Variants in CCDC149 observed in about 807,000 individuals in gnomAD.
CCDC149 encodes the protein coiled-coil domain containing 149.
CCDC149 carries 45 observed loss-of-function variants against 59.9 expected under a neutral mutation model. That is an observed-to-expected ratio of 0.75 (90% confidence interval 0.59 to 0.96). CCDC149 has a LOEUF of 0.96. Ranked by LOEUF, CCDC149 falls within the 40% of genes least tolerant of loss-of-function variation. The probability of loss-of-function intolerance (pLI) is 0.00; values close to 1 mark genes in which losing one functional copy is unlikely to be tolerated. For missense variants in CCDC149, 584 were observed against 664.7 expected (o/e 0.88, Z 1.33); for synonymous variants, 245 against 260.6 (o/e 0.94, Z 0.58).
At chr4:24,949,443 G>T (rs967698364) in intron 1 of CCDC149, among the ~76,000 whole-genome samples, 14 of 151,452 alleles carry the variant, frequency 9.2e-5, no homozygotes, top group African/African-American at 1.9e-4. Flanking sequence ...TGGCAGGGAG[G>T]GGGGGTGGTG....
chr4:24,837,144 A>T lies in CCDC149; in HGVS notation c.662+84T>A. 1 of 1,320,644 alleles carries T rather than the reference A, an allele frequency of 7.6e-7. No homozygotes were observed. The highest frequency in any genetic ancestry group is 1.0e-6 in the Non-Finnish European group (1 of 959,218). 81.8% of individuals were successfully genotyped at this position (1,320,644 alleles called of 1,614,324 possible). On this transcript the variant is annotated intron_variant, in intron 6 of 12. Transcript: ENST00000635206. The surrounding 1 kb of genome is among the most constrained non-coding windows in gnomAD (Gnocchi z 4.3). ...TGTAAGGCAATTTTCTCCAAAATAA[A>T]TAGGGCTGCAAATAACTCCCAGCCT...
intron 1 of CCDC149, among the ~76,000 whole-genome samples, chr4:24,920,631 T>C (rs1722258601): frequency 6.6e-6 from 1 of 152,234 alleles, no homozygotes; most frequent in African/African-American, 2.4e-5. Context: ...GGTCATAGAA[T>C]GGAGCCATGT....
intron 1 of CCDC149, among the ~76,000 whole-genome samples, chr4:24,911,432 C>G (rs1721862242): frequency 6.6e-6 from 1 of 152,150 alleles, no homozygotes; most frequent in East Asian, 1.9e-4. Flanking sequence ...TAACAGGCAC[C>G]TGATATGCAA....
chr4:24,884,481 G>T (rs771797524), intron 1 of CCDC149, among the ~76,000 whole-genome samples: 1 of 152,082 alleles, frequency 6.6e-6, no homozygotes, highest in South Asian at 2.1e-4. Context: ...GCAATGCATG[G>T]GTATAGCTAA....
intron 9 of CCDC149, 134 bp from the exon 10 acceptor site, chr4:24,822,707 A>ATG: frequency 1.8e-6 from 1 of 547,510 alleles, no homozygotes; most frequent in Non-Finnish European, 3.2e-6. Context: ...ATTTGTATGT[A>ATG]TGTGTGTGTA....
At chr4:24,878,233 AAAAAAG>A (rs1719601983) in intron 1 of CCDC149, among the ~76,000 whole-genome samples, 2 of 151,442 alleles carry the variant, frequency 1.3e-5, no homozygotes, top group African/African-American at 2.4e-5. Flanking sequence ...AAAAAAAAAA[AAAAAAG>A]AAAGTAATTG....
rs559725619 is a variant in CCDC149, at chr4:24,808,506, G to C, written c.1506C>G (p.Leu502=). 327 of 1,524,010 alleles carry C rather than the reference G, an allele frequency of 2.1e-4. No individual in the cohort carries two copies. Among genetic ancestry groups the C allele is most frequent in the South Asian group, 1.6e-3 (124 of 78,700 alleles). The allele number at this position is 1,524,010 out of a possible 1,614,324, so 94.4% of individuals were successfully genotyped here. ...CGAAGGAGTCCAGGTGAGATTTAGG[G>C]AGCTCCCCCTGGATGGCCAGGCCTG... Residue 502 remains leucine (L), a synonymous_variant, in exon 13 of 13, where the codon CTC becomes CTG. Transcript: ENST00000635206.
At chr4:24,879,699 GAAAGAAAAAGA>G (rs1195930016) in intron 1 of CCDC149, among the ~76,000 whole-genome samples, 4 of 147,102 alleles carry the variant, frequency 2.7e-5, no homozygotes, top group East Asian at 4.0e-4. Context: ...AAAAAAAAAA[GAAAGAAAAAGA>G]AAAGAAAAAG....
At chr4:24,945,717 G>T (rs1289784981) in intron 1 of CCDC149, among the ~76,000 whole-genome samples, 3 of 151,704 alleles carry the variant, frequency 2.0e-5, no homozygotes, top group South Asian at 2.1e-4. Flanking sequence ...CGCCTCCCAG[G>T]TTCAAGCGAT....
intron 8 of CCDC149, among the ~76,000 whole-genome samples, chr4:24,832,994 C>T (rs528979791): frequency 1.3e-5 from 2 of 152,278 alleles, no homozygotes; most frequent in South Asian, 2.1e-4. Flanking sequence ...GCAACTTCTG[C>T]TGCTTCTCCC....
At chr4:24,943,085 G>T (rs866617589) in intron 1 of CCDC149, among the ~76,000 whole-genome samples, 7 of 151,598 alleles carry the variant, frequency 4.6e-5, no homozygotes, top group Admixed American at 1.3e-4. Flanking sequence ...AGCCCGCATC[G>T]CCAAGTCAAT....
chr4:24,820,646 G>A (rs984582280), intron 11 of CCDC149, among the ~76,000 whole-genome samples: 3 of 152,286 alleles, frequency 2.0e-5, no homozygotes, highest in Admixed American at 2.0e-4. Flanking sequence ...TATACTAGAA[G>A]AGGCTCTTTT....
chr4:24,812,768 A>T (rs1019260400), intron 12 of CCDC149, among the ~76,000 whole-genome samples: 1 of 152,230 alleles, frequency 6.6e-6, no homozygotes, highest in Non-Finnish European at 1.5e-5. Context: ...GAGCAAAGGA[A>T]CATCTTATAT....
chr4:24,931,652 TG>T (rs1722590026), intron 1 of CCDC149, among the ~76,000 whole-genome samples: 1 of 151,414 alleles, frequency 6.6e-6, no homozygotes, highest in Non-Finnish European at 1.5e-5. Flanking sequence ...GCAAAAGCAC[TG>T]GGGATCAAGC....
intron 3 of CCDC149, among the ~76,000 whole-genome samples, chr4:24,860,439 C>T (rs1280134077): frequency 6.6e-6 from 1 of 152,110 alleles, no homozygotes; most frequent in African/African-American, 2.4e-5. Flanking sequence ...ATACAAAAGC[C>T]AACTCAAGAT....
chr4:24,913,971 C>T (rs564268332), upstream of CCDC149, among the ~76,000 whole-genome samples: 36 of 152,340 alleles, frequency 2.4e-4, no homozygotes, highest in South Asian at 7.2e-3. Flanking sequence ...GCCCTCTGTA[C>T]TCGCAGAAAC....
chr4:24,949,002 C>T (rs927818343), intron 1 of CCDC149, among the ~76,000 whole-genome samples: 19 of 152,302 alleles, frequency 1.2e-4, no homozygotes, highest in Non-Finnish European at 1.5e-5. Context: ...AACTGTGAGT[C>T]AACTAAACCT....
In CCDC149 at chr4:24,853,037, CA is replaced by C. The variant is rs771149634; in HGVS notation, c.372+34del. The C allele has an allele frequency of 1.0e-4, 134 of 1,338,332 alleles. 1 individual carries two copies. Among genetic ancestry groups the C allele is most frequent in the South Asian group, 4.1e-4 (35 of 84,510 alleles). The allele number at this position is 1,338,332 out of a possible 1,614,324, so 82.9% of individuals were successfully genotyped here. A position where few individuals can be genotyped will look rare whatever the true frequency, so the allele number is the denominator to read the frequency against. On this transcript the variant is annotated intron_variant, in intron 4 of 12. Coordinates refer to ENST00000635206, the MANE Select transcript of CCDC149 (RefSeq NM_001330643.2). Reference sequence around the variant, plus strand: ...TATAAACCTCGAACGCACAATGTTGCAGCAGAGCTTCTTCCCTGTAAATACT... The same window carrying C: ...TATAAACCTCGAACGCACAATGTTGCGCAGAGCTTCTTCCCTGTAAATACT...
intron 1 of CCDC149, among the ~76,000 whole-genome samples, chr4:24,885,241 C>T (rs1221169407): frequency 1.3e-5 from 2 of 152,108 alleles, no homozygotes; most frequent in Non-Finnish European, 2.9e-5. Context: ...GGGGGAGTGT[C>T]ATTAAGAATC....
Sources: gnomAD v4.1 joint callset for allele counts (sites outside exome capture counted in the v4.1 genomes callset) on GRCh38, gnomAD v4.1.1 for gene constraint, Gnocchi (gnomAD v3.1) non-coding constraint, MANE v1.5 for transcripts, NCBI Gene and HGNC (gene_info 2026-07-23, HGNC 2026-07-21) for gene names.